The following HECW1 variants were observed in gnomAD, a reference collection of about 807,000 sequenced individuals.
HECW1 encodes the protein E3 ubiquitin-protein ligase HECW1.
In HECW1, 61 loss-of-function variants were observed where a neutral mutation model predicts 182.3. The ratio of observed to expected loss-of-function variants is 0.33; its 90% CI spans 0.27 to 0.41. The LOEUF is 0.41. Ranked by LOEUF, HECW1 falls within the 10% of genes least tolerant of loss-of-function variation. The pLI is 1.00. For missense variants in HECW1, 1,739 were observed against 2,108.9 expected (o/e 0.82, Z 3.44); for synonymous variants, 859 against 832.6 (o/e 1.03, Z -0.55).
chr7:43,309,699 AAC>A (rs1343627857), intron 3 of HECW1, among the ~76,000 whole-genome samples: 1 of 152,200 alleles, frequency 6.6e-6, no homozygotes, highest in African/African-American at 2.4e-5. Context: ...CACCTTTACA[AAC>A]ACACTAGGCT....
intron 2 of HECW1, among the ~76,000 whole-genome samples, chr7:43,152,397 G>C (rs2152646236): frequency 6.6e-6 from 1 of 152,204 alleles, no homozygotes; most frequent in Non-Finnish European, 1.5e-5. Flanking sequence ...AATAATAAGA[G>C]GCATAAATTA....
intron 2 of HECW1, among the ~76,000 whole-genome samples, chr7:43,242,063 G>A (rs1247031987): frequency 6.6e-6 from 1 of 152,126 alleles, no homozygotes; most frequent in Non-Finnish European, 1.5e-5. Context: ...GAGGAGGGAG[G>A]CAGCAGTGAG....
At chr7:43,158,783 C>T (rs1269547906) in intron 2 of HECW1, among the ~76,000 whole-genome samples, 3 of 152,164 alleles carry the variant, frequency 2.0e-5, no homozygotes, top group Non-Finnish European at 2.9e-5. Context: ...GCACCATGCT[C>T]GTGGTTTACT....
At chr7:43,353,148 A>G (rs1022404781) in intron 5 of HECW1, among the ~76,000 whole-genome samples, 3 of 152,112 alleles carry the variant, frequency 2.0e-5, no homozygotes, top group Admixed American at 6.5e-5. Flanking sequence ...CCCAAACTTG[A>G]AAATATAAAT....
intron 24 of HECW1, among the ~76,000 whole-genome samples, chr7:43,519,408 G>T (rs2080333103): frequency 2.6e-5 from 4 of 152,088 alleles, no homozygotes; most frequent in Admixed American, 2.0e-4. Flanking sequence ...ATCACACCCG[G>T]CTAATTTTTG....
chr7:43,228,050 G>A (rs1029251275), intron 2 of HECW1, among the ~76,000 whole-genome samples: 1 of 152,188 alleles, frequency 6.6e-6, no homozygotes, highest in African/African-American at 2.4e-5. Flanking sequence ...AGTAAGCAGG[G>A]CTTTCCAAAA....
At chr7:43,478,979 CA>C (rs1422076757) in intron 16 of HECW1, among the ~76,000 whole-genome samples, 1 of 152,130 alleles carries the variant, frequency 6.6e-6, no homozygotes, top group Non-Finnish European at 1.5e-5. Context: ...CAAACAGGCA[CA>C]GTGTCCTGTT....
chr7:43,517,131 G>A (rs1469204942), intron 24 of HECW1, among the ~76,000 whole-genome samples: 1 of 152,174 alleles, frequency 6.6e-6, no homozygotes, highest in Non-Finnish European at 1.5e-5. Flanking sequence ...GTCAGTGTGA[G>A]AAGGATTTTC....
intron 6 of HECW1, among the ~76,000 whole-genome samples, chr7:43,371,812 T>C (rs947665679): frequency 6.6e-6 from 1 of 152,158 alleles, no homozygotes; most frequent in Non-Finnish European, 1.5e-5. Context: ...ACATTTTTTG[T>C]TGATGGTGGA....
At chr7:43,129,744 G>A (rs560468244) in intron 2 of HECW1, among the ~76,000 whole-genome samples, 4 of 152,250 alleles carry the variant, frequency 2.6e-5, no homozygotes, top group African/African-American at 9.6e-5. Flanking sequence ...GTATCCATGG[G>A]GGATTAGTTC....
At chr7:43,169,379 T>A (rs1791448122) in intron 2 of HECW1, among the ~76,000 whole-genome samples, 1 of 152,178 alleles carries the variant, frequency 6.6e-6, no homozygotes, top group Non-Finnish European at 1.5e-5. Flanking sequence ...GCCCACCAGA[T>A]GCCAGTAGCA....
intron 2 of HECW1, among the ~76,000 whole-genome samples, chr7:43,173,054 C>T (rs1178896113): frequency 1.3e-5 from 2 of 152,186 alleles, no homozygotes; most frequent in Non-Finnish European, 2.9e-5. Context: ...CACCCAACTC[C>T]TTAAAGCTAA....
chr7:43,293,135 G>GCTTGAACC (rs1313289460), intron 3 of HECW1, among the ~76,000 whole-genome samples: 1 of 146,798 alleles, frequency 6.8e-6, no homozygotes, highest in Non-Finnish European at 1.5e-5. Flanking sequence ...CAGAAGAATC[G>GCTTGAACC]CTTGAACCCG....
chr7:43,399,166 A>G (rs1263468264), intron 7 of HECW1, among the ~76,000 whole-genome samples: 2 of 152,146 alleles, frequency 1.3e-5, no homozygotes, highest in Non-Finnish European at 2.9e-5. Context: ...TCCAGGCAAG[A>G]AGGGGGTTTG....
rs2152826567 is a variant in HECW1 at position 43,379,811 on chromosome 7, C to T, written c.556-17003C>T. 1.3e-5 allele frequency among the ~76,000 whole-genome samples: 2 copies of T among 152,270 alleles called. 1 individual carries two copies. The highest frequency in any genetic ancestry group is 4.1e-4 in the South Asian group (2 of 4,830). ...CACCCTATCTAAACTATTCTCCACA[C>T]AGCTCTTTATTTTCTCCAATCACTA... is the stretch of plus-strand genomic sequence containing the variant. On this transcript the variant is annotated intron_variant, in intron 6 of 29. Transcript: ENST00000395891.
At chr7:43,526,946 G>C (rs1174740572) in intron 24 of HECW1, among the ~76,000 whole-genome samples, 1 of 152,172 alleles carries the variant, frequency 6.6e-6, no homozygotes, top group Non-Finnish European at 1.5e-5. Context: ...AGTGAGCCGA[G>C]ATCGCATCAC....
In HECW1 at chr7:43,133,537, G is replaced by C. The variant is rs184030912; in HGVS notation, c.-32+19146G>C. 7.9e-5 allele frequency among the ~76,000 whole-genome samples: 12 copies of C among 151,698 alleles called. No individual in the cohort carries two copies. The East Asian group carries it at 2.3e-3, about 29-fold the overall frequency. On this transcript the variant is annotated intron_variant, in intron 2 of 29. Transcript: ENST00000395891. Reference sequence around the variant, plus strand: ...TCTATTTTTCTAAATTCAAGTTTTTGACCATTTTTCTTTTATAGTTTCCTG... The same window carrying C: ...TCTATTTTTCTAAATTCAAGTTTTTCACCATTTTTCTTTTATAGTTTCCTG...
chr7:43,430,718 C>T (rs2076518626), intron 8 of HECW1, among the ~76,000 whole-genome samples: 1 of 151,700 alleles, frequency 6.6e-6, no homozygotes, highest in Admixed American at 6.6e-5. Flanking sequence ...GTTTTGATTA[C>T]ATGGTTATGG....
chr7:43,409,230 C>T (rs1306464388), intron 8 of HECW1, among the ~76,000 whole-genome samples: 3 of 152,198 alleles, frequency 2.0e-5, no homozygotes, highest in Non-Finnish European at 4.4e-5. Flanking sequence ...TTCCTCCTAG[C>T]GTTGGTTATC....
Sources: gnomAD v4.1 joint callset for allele counts (sites outside exome capture counted in the v4.1 genomes callset) on GRCh38, gnomAD v4.1.1 for gene constraint, MANE v1.5 for transcripts, NCBI Gene and HGNC (gene_info 2026-07-23, HGNC 2026-07-21) for gene names.